ZNF559: variants seen among roughly 807,000 people sequenced by gnomAD.
ZNF559 encodes the protein zinc finger protein 559.
A neutral mutation model predicts 14.2 loss-of-function variants in ZNF559; 17 were observed. The observed-to-expected ratio is 1.20, with a 90% confidence interval of 0.82 to 1.80. The LOEUF is 1.80. ZNF559 is among the 40% of genes most tolerant of loss of function. The pLI, the probability that ZNF559 is intolerant of heterozygous loss-of-function variation, is 0.00. For synonymous variants in ZNF559, 244 were observed against 212.4 expected (o/e 1.15, Z -1.29); for missense variants, 740 against 629.7 (o/e 1.18, Z -1.88).
chr19:9,325,136 A>G (rs1171415731), intron 2 of ZNF559, among the ~76,000 whole-genome samples: 4 of 152,158 alleles, frequency 2.6e-5, no homozygotes, highest in Non-Finnish European at 5.9e-5. Context: ...GTTTTCTACC[A>G]GTTACTCATT....
At chr19:9,340,674 C>T (rs2067523556) in intron 5 of ZNF559, among the ~76,000 whole-genome samples, 1 of 151,198 alleles carries the variant, frequency 6.6e-6, no homozygotes. Flanking sequence ...TCAAGTGATT[C>T]CCCTGCCTCA....
At chr19:9,341,422 T>C in intron 6 of ZNF559, 1 of 763,742 alleles carries the variant, frequency 1.3e-6, no homozygotes, top group Non-Finnish European at 2.3e-6. Context: ...TCAGATGTTT[T>C]TGATAAATAA....
chr19:9,342,159 T>C lies in ZNF559; in HGVS notation c.708T>C (p.Asp236=), dbSNP rs199822259. 107 of 1,611,236 alleles carry C rather than the reference T, an allele frequency of 6.6e-5. No individual in the cohort carries two copies. In the East Asian group the frequency reaches 1.7e-3, roughly 25 times the overall value. Residue 236 remains aspartate (D), a synonymous_variant, in exon 7 of 7, where the codon GAT becomes GAC. Coordinates refer to ENST00000603380, the MANE Select transcript of ZNF559 (RefSeq NM_032497.3). The part of the protein sequence containing the change: ...TALFVHMQTQ[D]GEKFYECKAC... ...TTTTTGTACACATGCAAACTCAAGA[T>C]GGAGAAAAATTCTATGAATGTAAAG... is the stretch of plus-strand genomic sequence containing the variant.
Position 9,340,567 on chromosome 19 carries a change from TAAAA to T in ZNF559, c.161-514_161-511del, listed in dbSNP as rs34086147. Among the ~76,000 whole-genome samples the T allele has an allele frequency of 5.0e-3, 376 of 75,774 alleles. 1 individual carries two copies. Among genetic ancestry groups the T allele is most frequent in the African/African-American group, 0.021 (349 of 17,010 alleles). 49.7% of individuals were successfully genotyped at this position (75,774 alleles called of 152,430 possible). Reference sequence around the variant, plus strand: ...TTTCTTTTTTTTCTCTCTCTGTCTCTAAAAAAAAAAAAAAAAAAAAAAAAGAGTC... The same window carrying T: ...TTTCTTTTTTTTCTCTCTCTGTCTCTAAAAAAAAAAAAAAAAAAAAGAGTC... On this transcript the variant is annotated intron_variant, in intron 5 of 6. Coordinates refer to ENST00000603380, the MANE Select transcript of ZNF559 (RefSeq NM_032497.3).
Position 9,342,505 on chromosome 19 carries a change from C to G in ZNF559, c.1054C>G (p.Pro352Ala). 6.2e-7 allele frequency: 1 copy of G among 1,614,132 alleles called. No homozygotes were observed. The highest frequency in any genetic ancestry group is 2.2e-5 in the East Asian group (1 of 44,874). The change falls in exon 7 of 7, where the codon CCT becomes GCT. Residue 352 changes from proline to alanine, a missense_variant. Transcript: ENST00000603380. ...KHRRTHTGEKPYECKECGKAF... is the reference protein window; with the variant it reads ...KHRRTHTGEKAYECKECGKAF... ...CAGGCGAACTCACACTGGAGAAAAG[C>G]CTTATGAATGTAAGGAATGTGGGAA... is the stretch of plus-strand genomic sequence containing the variant.
chr19:9,343,467 C>CT lies in ZNF559; in HGVS notation c.*400dup. ...CACATTGGATATAAATGCACGTCCT[C>CT]TGGCTGTAAGGAATGTGTTGAAACC... On this transcript the variant is annotated 3_prime_UTR_variant, in exon 7 of 7. Coordinates refer to ENST00000603380, the MANE Select transcript of ZNF559 (RefSeq NM_032497.3). The CT allele has an allele frequency of 9.7e-7, 1 of 1,032,196 alleles. No homozygotes were observed. Among genetic ancestry groups the CT allele is most frequent in the Non-Finnish European group, 1.2e-6 (1 of 857,600 alleles). 63.9% of individuals were successfully genotyped at this position (1,032,196 alleles called of 1,614,324 possible). A position where few individuals can be genotyped will look rare whatever the true frequency, so the allele number is the denominator to read the frequency against.
chr19:9,341,387 T>G (rs1404134997), intron 6 of ZNF559: 2 of 756,570 alleles, frequency 2.6e-6, no homozygotes, highest in East Asian at 5.3e-5. Context: ...GTTTACATAT[T>G]TCCTTCAACA....
At chr19:9,324,460 G>T (rs1403507233) in intron 1 of ZNF559, 54 of 1,427,292 alleles carry the variant, frequency 3.8e-5, no homozygotes, top group Non-Finnish European at 4.8e-5. Context: ...GGAGGAGGCG[G>T]GGGGCACGGC....
Position 9,343,646 on chromosome 19 carries a change from A to G in ZNF559, c.*578A>G. ...TTGAGAAGTCCCATGAGTGAAAGAG[A>G]TGTTGGAAAGCCCTTGAACTTGGTC... On this transcript the variant is annotated 3_prime_UTR_variant, in exon 7 of 7. Coordinates refer to ENST00000603380, the MANE Select transcript of ZNF559 (RefSeq NM_032497.3). The G allele has an allele frequency of 1.0e-6, 1 of 988,340 alleles. No homozygotes were observed. Among genetic ancestry groups the G allele is most frequent in the Non-Finnish European group, 1.2e-6 (1 of 831,784 alleles). 61.2% of individuals were successfully genotyped at this position (988,340 alleles called of 1,614,324 possible). A position where few individuals can be genotyped will look rare whatever the true frequency, so the allele number is the denominator to read the frequency against.
rs1328679378 is a variant in ZNF559, at chr19:9,341,909, A to G, written c.458A>G (p.Glu153Gly). Residue 153 changes from glutamate (E) to glycine (G), a missense_variant, in exon 7 of 7, where the codon GAA becomes GGA. Glu to Gly is a moderately conservative substitution (Grantham distance 98). Transcript: ENST00000603380. ...GAACTTCCTAACTGTAATCAATGTG[A>G]AACAGCCTTCAGCCAACATCTACAT... ...GEELPNCNQC[E>G]TAFSQHLHLV... is the part of the protein sequence containing the mutation. The G allele has an allele frequency of 1.2e-6, 2 of 1,612,726 alleles. No individual in the cohort carries two copies. The highest frequency in any genetic ancestry group is 1.7e-6 in the Non-Finnish European group (2 of 1,179,678).
At chr19:9,341,661 A>G (rs1555730695) in intron 6 of ZNF559, 34 bp from the exon 7 acceptor site, 10 of 1,602,276 alleles carry the variant, frequency 6.2e-6, no homozygotes, top group South Asian at 5.6e-5. Context: ...AATTTGGAAA[A>G]CTTCTATGAA....
Position 9,341,100 on chromosome 19 carries a change from A to C in ZNF559, c.161-2A>C. On this transcript the variant is annotated splice_acceptor_variant, in intron 5 of 6. Transcript: ENST00000603380. LOFTEE classifies it high-confidence loss of function. The stretch of plus-strand genomic sequence containing the variant: ...CTTAAAATTTTTTTCATCTTATTTC[A>C]GATTGGGAGAGTCATATTAATACCA... 6.3e-7 allele frequency: 1 copy of C among 1,588,310 alleles called. No homozygotes were observed.
chr19:9,339,879 C>T (rs1326852692), intron 5 of ZNF559, among the ~76,000 whole-genome samples: 2 of 150,972 alleles, frequency 1.3e-5, no homozygotes, highest in African/African-American at 4.9e-5. Flanking sequence ...CACCAGTCTC[C>T]TGCCTCAGCC....
In ZNF559 at chr19:9,343,964, C is replaced by A; in HGVS notation, c.*896C>A. 1 of 310,772 alleles carries A rather than the reference C, an allele frequency of 3.2e-6. No individual in the cohort carries two copies. The highest frequency in any genetic ancestry group is 4.7e-6 in the Non-Finnish European group (1 of 213,566). 19.3% of individuals were successfully genotyped at this position (310,772 alleles called of 1,614,324 possible). On this transcript the variant is annotated 3_prime_UTR_variant, in exon 7 of 7. Transcript: ENST00000603380. ...CCCTAGTCTTTAAAACAATTTTAGG[C>A]TGGGTGCAGTGGCTCATTCCTGTAA...
At chr19:9,337,377 G>A (rs2067297060) in intron 2 of ZNF559, among the ~76,000 whole-genome samples, 2 of 152,170 alleles carry the variant, frequency 1.3e-5, no homozygotes, top group African/African-American at 4.8e-5. Flanking sequence ...TAAGCTAAAA[G>A]GTCATCTCTC....
chr19:9,341,507 G>A, intron 6 of ZNF559, 188 bp from the exon 7 acceptor site: 3 of 1,051,996 alleles, frequency 2.9e-6, no homozygotes, highest in Non-Finnish European at 4.2e-6. Flanking sequence ...AGAACTTCCT[G>A]CAGTCACTTT....
rs775637729 is a variant in ZNF559 at position 9,339,339 on chromosome 19, T to C, written c.160+20T>C. The C allele has an allele frequency of 6.3e-7, 1 of 1,580,378 alleles. No individual in the cohort carries two copies. Among genetic ancestry groups the C allele is most frequent in the Admixed American group, 1.8e-5 (1 of 54,952 alleles). On this transcript the variant is annotated intron_variant, in intron 5 of 6. Transcript: ENST00000603380. ...CAGTAGGTAAGGCTGGTACCATTCTTTTCATTTAGTTTTTTTCTGGAACAA... is the reference window on the plus strand; with the variant it reads ...CAGTAGGTAAGGCTGGTACCATTCTCTTCATTTAGTTTTTTTCTGGAACAA...
At chr19:9,335,178 C>T (rs907174285) in intron 2 of ZNF559, among the ~76,000 whole-genome samples, 16 of 151,568 alleles carry the variant, frequency 1.1e-4, no homozygotes, top group South Asian at 2.1e-4. Context: ...TGGCTCACAC[C>T]GGTAATCCAG....
intron 5 of ZNF559, among the ~76,000 whole-genome samples, chr19:9,340,567 TAAAAAAAAAAAAA>T (rs34086147): frequency 5.3e-5 from 4 of 75,780 alleles, no homozygotes; most frequent in Admixed American, 3.1e-4. Flanking sequence ...TCTCTGTCTC[TAAAAAAAAAAAAA>T]AAAAAAAAAA....
Sources: gnomAD v4.1 joint callset for allele counts (sites outside exome capture counted in the v4.1 genomes callset) on GRCh38, gnomAD v4.1.1 for gene constraint, MANE v1.5 for transcripts, NCBI Gene and HGNC (gene_info 2026-07-23, HGNC 2026-07-21) for gene names.